MYH10: variants seen among roughly 807,000 people sequenced by gnomAD.
MYH10 encodes myosin-10.
In MYH10, 55 loss-of-function variants were observed where a neutral mutation model predicts 257.8. That is an observed-to-expected ratio of 0.21 (90% CI 0.17 to 0.27). The LOEUF (loss-of-function observed/expected upper bound fraction) is 0.27, where lower values mean the gene tolerates loss of function less well. Ranked by LOEUF, MYH10 falls within the 10% of genes least tolerant of loss-of-function variation. MYH10 has a pLI of 1.00. For synonymous variants in MYH10, 854 were observed against 921.7 expected, an observed-to-expected ratio of 0.93 and a Z score of 1.33; for missense variants, 1,631 against 2,500.6, an observed-to-expected ratio of 0.65 and a Z score of 7.42.
chr17:8,600,485 T>C (rs1272540717), intron 3 of MYH10, among the ~76,000 whole-genome samples: 1 of 152,170 alleles, frequency 6.6e-6, no homozygotes, highest in East Asian at 1.9e-4. Context: ...AGTCAGTTAA[T>C]TCTAAAAGAT....
At position 8,480,117 on chromosome 17, in the gene MYH10, C is replaced by A; in HGVS notation, c.5590G>T (p.Glu1864Ter). The change falls in exon 40 of 43, where the codon GAA (glutamate) becomes TAA (stop). Residue 1864 changes from glutamate (E) to a stop codon, truncating the protein, a stop_gained. Coordinates refer to ENST00000360416, the MANE Select transcript of MYH10 (RefSeq NM_001256012.3). LOFTEE classifies it high-confidence loss of function. ...GTAGCAAAAACCTCTTACTTGGCTTCCTGCTCAAGCTGCTCCTCCAGCTGC... is the reference window on the plus strand; with the variant it reads ...GTAGCAAAAACCTCTTACTTGGCTTACTGCTCAAGCTGCTCCTCCAGCTGC... ...IGQLEEQLEQ[E>*]AKERAAANKL... The A allele has an allele frequency of 6.2e-7, 1 of 1,614,064 alleles. No individual in the cohort carries two copies. The highest frequency in any genetic ancestry group is 8.5e-7 in the Non-Finnish European group (1 of 1,179,988).
At chr17:8,606,389 G>C (rs1219017833) in intron 2 of MYH10, among the ~76,000 whole-genome samples, 1 of 152,192 alleles carries the variant, frequency 6.6e-6, no homozygotes, top group Non-Finnish European at 1.5e-5. Flanking sequence ...GTTGCATTAT[G>C]AAACAGATCT....
intron 8 of MYH10, among the ~76,000 whole-genome samples, chr17:8,553,672 G>A (rs533103646): frequency 1.3e-5 from 2 of 152,298 alleles, no homozygotes; most frequent in East Asian, 3.9e-4. Flanking sequence ...AACAGCAATA[G>A]GGGGAGGGCA....
intron 28 of MYH10, among the ~76,000 whole-genome samples, chr17:8,503,083 G>A (rs1309322751): frequency 6.6e-6 from 1 of 152,174 alleles, no homozygotes; most frequent in African/African-American, 2.4e-5. Flanking sequence ...GGGAGTTTGC[G>A]ACCAGCCTGA....
At chr17:8,511,036 A>ACT (rs2081262050) in intron 24 of MYH10, 1 of 6,030 alleles carries the variant, frequency 1.7e-4, no homozygotes, top group Non-Finnish European at 1.7e-3. Flanking sequence ...ATATATATAT[A>ACT]TATATATATA....
intron 24 of MYH10, among the ~76,000 whole-genome samples, chr17:8,511,813 T>G (rs919474358): frequency 6.6e-6 from 1 of 152,220 alleles, no homozygotes; most frequent in Non-Finnish European, 1.5e-5. Flanking sequence ...TGCCTCCACC[T>G]GCTCCCTTCT....
chr17:8,601,149 G>A (rs930550597), intron 3 of MYH10, among the ~76,000 whole-genome samples: 3 of 152,170 alleles, frequency 2.0e-5, no homozygotes, highest in African/African-American at 4.8e-5. Context: ...CATCTACCCA[G>A]GTCAACCGGG....
At chr17:8,509,476 C>T (rs991895057) in intron 25 of MYH10, among the ~76,000 whole-genome samples, 10 of 152,220 alleles carry the variant, frequency 6.6e-5, no homozygotes, top group African/African-American at 1.2e-4. Context: ...GGGAGCTTGG[C>T]CCAGCTGCCT....
Position 8,504,720 on chromosome 17 carries a change from G to A in MYH10, c.3573C>T (p.Asp1191=). The change falls in exon 28 of 43, where the codon GAC becomes GAT. Residue 1191 remains aspartate (D), a synonymous_variant. Coordinates refer to ENST00000360416, the MANE Select transcript of MYH10 (RefSeq NM_001256012.3). The surrounding 1 kb of genome is among the most constrained non-coding windows in gnomAD (Gnocchi z 5.6). ...GTAGTTCCTGCTGGGCTGCCGTGGT[G>A]TCCAGCGTGTCCTCCAGCTCTGTTT... ...ALKTELEDTL[D]TTAAQQELRT... 1.2e-6 allele frequency: 2 copies of A among 1,614,122 alleles called. No individual in the cohort carries two copies. Among genetic ancestry groups the A allele is most frequent in the Non-Finnish European group, 1.7e-6 (2 of 1,180,036 alleles).
At position 8,548,338 on chromosome 17, in the gene MYH10, A is replaced by G; in HGVS notation, c.1134T>C (p.Asp378=). Reference sequence around the variant, plus strand: ...CTGTATTTTCTGGCATGGAAGCTTGATCAGTATTTCTCTCCTTTTTGAAAG... The same window carrying G: ...CTGTATTTTCTGGCATGGAAGCTTGGTCAGTATTTCTCTCCTTTTTGAAAG... ...NISFKKERNT[D]QASMPENTVA... The change falls in exon 11 of 43, where the codon GAT becomes GAC. Residue 378 remains aspartate (D), a synonymous_variant. Coordinates refer to ENST00000360416, the MANE Select transcript of MYH10 (RefSeq NM_001256012.3). 1 of 1,612,538 alleles carries G rather than the reference A, an allele frequency of 6.2e-7. No individual in the cohort carries two copies. Among genetic ancestry groups the G allele is most frequent in the Non-Finnish European group, 8.5e-7 (1 of 1,179,006 alleles).
intron 17 of MYH10, among the ~76,000 whole-genome samples, chr17:8,528,450 T>C (rs1267489918): frequency 6.6e-5 from 10 of 152,220 alleles, no homozygotes; most frequent in Admixed American, 5.2e-4. Flanking sequence ...CAGAAACTTA[T>C]ATGACCTCCA....
chr17:8,490,495 T>A lies in MYH10; in HGVS notation c.4729A>T (p.Thr1577Ser). The A allele has an allele frequency of 1.9e-6, 3 of 1,614,202 alleles. No homozygotes were observed. Among genetic ancestry groups the A allele is most frequent in the Non-Finnish European group, 2.5e-6 (3 of 1,180,036 alleles). ...TCGTCTTCCAGCTCCTCCAGCTGGGTCCTCATTTCCTCCACCTGCTGCTCT... is the reference window on the plus strand; with the variant it reads ...TCGTCTTCCAGCTCCTCCAGCTGGGACCTCATTTCCTCCACCTGCTGCTCT... ...ALEQQVEEMR[T>S]QLEELEDELQ... is the part of the protein sequence containing the mutation. Residue 1577 changes from threonine to serine, a missense_variant, in exon 35 of 43, where the codon ACC becomes TCC. Physicochemically the swap from Thr to Ser is moderately conservative, Grantham distance 58. Coordinates refer to ENST00000360416, the MANE Select transcript of MYH10 (RefSeq NM_001256012.3). The surrounding 1 kb of genome is among the most constrained non-coding windows in gnomAD (Gnocchi z 4.1).
chr17:8,587,585 G>A (rs567464480), intron 4 of MYH10, among the ~76,000 whole-genome samples: 14 of 151,946 alleles, frequency 9.2e-5, no homozygotes, highest in African/African-American at 1.5e-4. Context: ...GAGAAGAGTC[G>A]CGCCCCCCAC....
chr17:8,605,850 T>C (rs1465807885), intron 2 of MYH10, among the ~76,000 whole-genome samples: 1 of 152,214 alleles, frequency 6.6e-6, no homozygotes, highest in Non-Finnish European at 1.5e-5. Flanking sequence ...CAAAATGACA[T>C]GTTATAAGAA....
Position 8,487,611 on chromosome 17 carries a change from G to C in MYH10, c.4885-17C>G. On this transcript the variant is annotated splice_polypyrimidine_tract_variant and intron_variant, in intron 35 of 42. Coordinates refer to ENST00000360416, the MANE Select transcript of MYH10 (RefSeq NM_001256012.3). ...CTCCCGCACCTAATGGACAACATCG[G>C]GTTATGCTGGGTTACATCCAAGTAT... The C allele has an allele frequency of 6.2e-7, 1 of 1,613,794 alleles. No homozygotes were observed. The highest frequency in any genetic ancestry group is 8.5e-7 in the Non-Finnish European group (1 of 1,179,864).
In MYH10 at chr17:8,480,485, T is replaced by C. The variant is rs1178074685; in HGVS notation, c.5305A>G (p.Ile1769Val). ...TCCAGCTCCTCCTCCAGCTGTGCGATCCGAGCTTCCAGACGCCGCTTCTCA... is the reference window on the plus strand; with the variant it reads ...TCCAGCTCCTCCTCCAGCTGTGCGACCCGAGCTTCCAGACGCCGCTTCTCA... Reference protein sequence around the residue: ...LDEKRRLEARIAQLEEELEEE... With the variant: ...LDEKRRLEARVAQLEEELEEE... Residue 1769 changes from isoleucine (I) to valine (V), a missense_variant, in exon 39 of 43, where the codon ATC becomes GTC. Ile to Val is a conservative substitution (Grantham distance 29). This residue lies in a region of MYH10 where 343 missense variants were observed against 389.5 expected (regional missense o/e 0.88). Transcript: ENST00000360416. 1 of 1,611,564 alleles carries C rather than the reference T, an allele frequency of 6.2e-7. No individual in the cohort carries two copies. The highest frequency in any genetic ancestry group is 8.5e-7 in the Non-Finnish European group (1 of 1,179,928).
chr17:8,583,585 C>A (rs1364536651), intron 4 of MYH10, among the ~76,000 whole-genome samples: 5 of 152,222 alleles, frequency 3.3e-5, no homozygotes, highest in East Asian at 1.9e-4. Context: ...AGAAAGAACA[C>A]CAGAGTTCTA....
At position 8,549,508 on chromosome 17, in the gene MYH10, G is replaced by A. The variant is rs535127124; in HGVS notation, c.920-721C>T. Reference sequence around the variant, plus strand: ...GCTCAAAATAGCAGGGCTATTTATCGTTATAACAGATATGCAAATATGCTC... The same window carrying A: ...GCTCAAAATAGCAGGGCTATTTATCATTATAACAGATATGCAAATATGCTC... On this transcript the variant is annotated intron_variant, in intron 9 of 42. Coordinates refer to ENST00000360416, the MANE Select transcript of MYH10 (RefSeq NM_001256012.3). 5.3e-5 allele frequency among the ~76,000 whole-genome samples: 8 copies of A among 152,304 alleles called. No individual in the cohort carries two copies. The South Asian group carries it at 8.3e-4, about 16-fold the overall frequency.
intron 34 of MYH10, among the ~76,000 whole-genome samples, chr17:8,491,995 T>G (rs1015068205): frequency 3.3e-5 from 5 of 152,136 alleles, no homozygotes; most frequent in African/African-American, 1.2e-4. Flanking sequence ...ATGAAACCTT[T>G]TGTTGAAAGG....
Sources: allele counts gnomAD v4.1 joint callset (sites outside exome capture counted in the v4.1 genomes callset), GRCh38; gene constraint gnomAD v4.1.1; regional missense constraint gnomAD v4.1.1; non-coding constraint Gnocchi (gnomAD v3.1); transcripts MANE v1.5; gene names NCBI Gene and HGNC (gene_info 2026-07-23, HGNC 2026-07-21).